Variants in NSUN3 observed in about 807,000 individuals in gnomAD.
The protein encoded by NSUN3 is NOP2/Sun RNA methyltransferase 3, also known as tRNA (cytosine(34)-C(5))-methyltransferase, mitochondrial.
NSUN3 carries 24 observed loss-of-function variants against 36.8 expected under a neutral mutation model. The observed-to-expected ratio is 0.65, with a 90% CI of 0.47 to 0.92. NSUN3 has a LOEUF of 0.92. Among genes scored for constraint, NSUN3 ranks in the 40% least tolerant of loss-of-function variants. The pLI is 0.00. For missense variants in NSUN3, 381 were observed against 392.8 expected (o/e 0.97, Z 0.25); for synonymous variants, 146 against 145.2 (o/e 1.01, Z -0.04).
At chr3:94,089,114 C>T (rs1332894360) in intron 3 of NSUN3, among the ~76,000 whole-genome samples, 1 of 152,160 alleles carries the variant, frequency 6.6e-6, no homozygotes, top group African/African-American at 2.4e-5. Context: ...TTAATCATTG[C>T]CATTTTGTTC....
Position 94,097,965 on chromosome 3 carries a change from A to G in NSUN3, c.743+2811A>G, listed in dbSNP as rs2077350182. ...TCTTTCTCCTTAGCCTCAGACCTAC[A>G]TATTCAATTACCGATCCGAGATCTC... On this transcript the variant is annotated intron_variant, in intron 5 of 5. Transcript: ENST00000314622. Among the ~76,000 whole-genome samples, 4 of 152,162 alleles carry G rather than the reference A, an allele frequency of 2.6e-5. No individual in the cohort carries two copies. In the South Asian group the frequency reaches 8.3e-4, roughly 31 times the overall value.
At chr3:94,072,723 G>A (rs562336802) in intron 2 of NSUN3, among the ~76,000 whole-genome samples, 1 of 152,084 alleles carries the variant, frequency 6.6e-6, no homozygotes, top group South Asian at 2.1e-4. Context: ...TTCTATTTAG[G>A]CCTTATTTTG....
intron 5 of NSUN3, among the ~76,000 whole-genome samples, chr3:94,107,285 TG>T (rs1243132191): frequency 6.6e-6 from 1 of 152,072 alleles, no homozygotes; most frequent in African/African-American, 2.4e-5. Flanking sequence ...GTTTTGTTGT[TG>T]TTGTTTTGTT....
intron 5 of NSUN3, among the ~76,000 whole-genome samples, chr3:94,102,504 A>G (rs1044805179): frequency 2.0e-5 from 3 of 152,168 alleles, no homozygotes; most frequent in Admixed American, 1.3e-4. Flanking sequence ...AACAAAAGCA[A>G]ACTACTATTA....
intron 5 of NSUN3, among the ~76,000 whole-genome samples, chr3:94,120,118 A>G (rs1455516747): frequency 1.3e-5 from 2 of 152,238 alleles, no homozygotes; most frequent in African/African-American, 2.4e-5. Context: ...AAAGAATCAT[A>G]CTTACTTGAT....
intron 5 of NSUN3, among the ~76,000 whole-genome samples, chr3:94,101,571 T>C (rs1432183576): frequency 6.6e-6 from 1 of 152,116 alleles, no homozygotes; most frequent in Non-Finnish European, 1.5e-5. Flanking sequence ...AACACAAAGA[T>C]AAAAGTTACA....
In NSUN3 at chr3:94,127,356, A is replaced by G. The variant is rs2077491848; in HGVS notation, c.*866A>G. 6.6e-6 allele frequency: 1 copy of G among 152,166 alleles called. No individual in the cohort carries two copies. The highest frequency in any genetic ancestry group is 6.5e-5 in the Admixed American group (1 of 15,276). The allele number at this position is 152,166 out of a possible 1,614,324, so 9.4% of individuals were successfully genotyped here. On this transcript the variant is annotated 3_prime_UTR_variant, in exon 6 of 6. Coordinates refer to ENST00000314622, the MANE Select transcript of NSUN3 (RefSeq NM_022072.5). ...AGAATCTGATTATCTTACATTCACA[A>G]TCTGGAGGGGCTTTTTATTTCACTT...
chr3:94,124,587 C>T (rs2077477462), intron 5 of NSUN3, among the ~76,000 whole-genome samples: 1 of 152,054 alleles, frequency 6.6e-6, no homozygotes, highest in African/African-American at 2.4e-5. Context: ...ACCAAATGTC[C>T]TCTTCTTGAA....
intron 5 of NSUN3, among the ~76,000 whole-genome samples, chr3:94,105,194 C>G (rs763759892): frequency 1.4e-4 from 21 of 152,144 alleles, no homozygotes; most frequent in Non-Finnish European, 2.9e-4. Context: ...TTAGTTATCT[C>G]TTGGTGCTCT....
chr3:94,094,238 G>A lies in NSUN3; in HGVS notation c.565G>A (p.Val189Met). The A allele has an allele frequency of 6.2e-7, 1 of 1,613,732 alleles. No individual in the cohort carries two copies. Among genetic ancestry groups the A allele is most frequent in the South Asian group, 1.1e-5 (1 of 90,950 alleles). ...ACAGCCTTTGATAAATGTAATTAAA[G>A]TGTCTGAATTGGATGGCAGAAAAAT... ...IPQPLINVIK[V>M]SELDGRKMGD... Residue 189 changes from valine to methionine, a missense_variant, in exon 4 of 6, where the codon GTG (valine) becomes ATG (methionine). Physicochemically the swap from Val to Met is conservative, Grantham distance 21 (BLOSUM62 1). Coordinates refer to ENST00000314622, the MANE Select transcript of NSUN3 (RefSeq NM_022072.5).
chr3:94,098,294 C>CTAA (rs1255780471), intron 5 of NSUN3, among the ~76,000 whole-genome samples: 4 of 152,132 alleles, frequency 2.6e-5, no homozygotes, highest in African/African-American at 9.7e-5. Context: ...CCTAAGCCAC[C>CTAA]AGTATTGTCA....
intron 5 of NSUN3, among the ~76,000 whole-genome samples, chr3:94,106,187 C>G (rs1425161683): frequency 2.0e-5 from 3 of 152,036 alleles, no homozygotes; most frequent in African/African-American, 7.2e-5. Flanking sequence ...TGTCATTACT[C>G]TGTTGTACTA....
At chr3:94,094,994 T>C in intron 4 of NSUN3, 39 bp from the exon 5 acceptor site, 6 of 1,606,914 alleles carry the variant, frequency 3.7e-6, no homozygotes, top group East Asian at 4.5e-5. Context: ...GAATAGATTG[T>C]CAGTGCATAT....
chr3:94,077,090 G>C (rs2077249534), intron 2 of NSUN3: 2 of 781,736 alleles, frequency 2.6e-6, no homozygotes, highest in Admixed American at 3.4e-5. Context: ...TAAAGAAAAG[G>C]GGTGTTCTTT....
intron 5 of NSUN3, among the ~76,000 whole-genome samples, chr3:94,116,985 CTTTTTT>C (rs60234250): frequency 0.014 from 884 of 64,076 alleles, 13 homozygotes; most frequent in African/African-American, 0.053. Context: ...TCTGCCACAA[CTTTTTT>C]TTTTTTTTTT....
intron 5 of NSUN3, among the ~76,000 whole-genome samples, chr3:94,106,069 A>G (rs990537888): frequency 5.3e-5 from 8 of 152,180 alleles, no homozygotes; most frequent in Non-Finnish European, 1.0e-4. Flanking sequence ...ACTCATATTA[A>G]TGAGGCAATG....
chr3:94,068,586 G>T (rs573891215), intron 2 of NSUN3, among the ~76,000 whole-genome samples: 1 of 152,136 alleles, frequency 6.6e-6, no homozygotes, highest in South Asian at 2.1e-4. Flanking sequence ...TGATTAATTG[G>T]ATAATTAATG....
At chr3:94,079,768 C>T (rs1318968887) in intron 2 of NSUN3, among the ~76,000 whole-genome samples, 1 of 152,036 alleles carries the variant, frequency 6.6e-6, no homozygotes, top group African/African-American at 2.4e-5. Context: ...CTGTGTTTTT[C>T]AGCTCCATCA....
At chr3:94,117,547 C>T (rs900949181) in intron 5 of NSUN3, among the ~76,000 whole-genome samples, 3 of 152,110 alleles carry the variant, frequency 2.0e-5, no homozygotes, top group Non-Finnish European at 1.5e-5. Flanking sequence ...AAATGCATTT[C>T]AGCCTGTTCC....
Sources: gnomAD v4.1 joint callset for allele counts (sites outside exome capture counted in the v4.1 genomes callset) on GRCh38, gnomAD v4.1.1 for gene constraint, MANE v1.5 for transcripts, NCBI Gene and HGNC (gene_info 2026-07-23, HGNC 2026-07-21) for gene names.